The following FGGY variants were observed in gnomAD, a reference collection of about 807,000 sequenced individuals.
FGGY encodes the protein FGGY carbohydrate kinase domain-containing protein.
A neutral mutation model predicts 71.3 loss-of-function variants in FGGY; 72 were observed. The ratio of observed to expected loss-of-function variants is 1.01; its 90% CI spans 0.84 to 1.23. The LOEUF (loss-of-function observed/expected upper bound fraction) is 1.23, where lower values mean the gene tolerates loss of function less well. Ranked by LOEUF, FGGY falls within the 50% of genes most tolerant of loss-of-function variation. The probability of loss-of-function intolerance (pLI) is 0.00; values close to 1 mark genes in which losing one functional copy is unlikely to be tolerated. For missense variants in FGGY, 668 were observed against 682.3 expected (o/e 0.98, Z 0.23); for synonymous variants, 251 against 250.3 (o/e 1.00, Z -0.02).
chr1:59,566,137 G>A (rs1161260137), intron 8 of FGGY, among the ~76,000 whole-genome samples: 6 of 151,968 alleles, frequency 3.9e-5, no homozygotes. Context: ...GCTGCTGAGG[G>A]TTACCTGGCA....
intron 14 of FGGY, among the ~76,000 whole-genome samples, chr1:59,738,473 A>G (rs1056296466): frequency 1.1e-4 from 17 of 152,188 alleles, no homozygotes; most frequent in African/African-American, 3.9e-4. Context: ...GAAAAAAACC[A>G]TGATCCAAAA....
At chr1:59,590,037 C>T (rs1258941542) in intron 8 of FGGY, among the ~76,000 whole-genome samples, 1 of 151,848 alleles carries the variant, frequency 6.6e-6, no homozygotes, top group Non-Finnish European at 1.5e-5. Context: ...TGATAGATCG[C>T]TAGCAAGACT....
chr1:59,321,685 C>A lies in FGGY; in HGVS notation c.136C>A (p.Pro46Thr). Residue 46 changes from proline (P) to threonine (T), a missense_variant, in exon 2 of 16, where the codon CCC (proline) becomes ACC (threonine). Coordinates refer to ENST00000303721, the MANE Select transcript of FGGY (RefSeq NM_018291.5). ...AGACCAGCCAATTAAGAATTGGGAG[C>A]CCCAGTTCAACCACCATGAGCAGTC... ...FADQPIKNWE[P>T]QFNHHEQSSE... The A allele has an allele frequency of 6.2e-7, 1 of 1,612,922 alleles. No homozygotes were observed. The highest frequency in any genetic ancestry group is 1.1e-5 in the South Asian group (1 of 90,804).
intron 2 of FGGY, among the ~76,000 whole-genome samples, chr1:59,329,452 A>T (rs1161653331): frequency 6.6e-6 from 1 of 152,276 alleles, no homozygotes; most frequent in Non-Finnish European, 1.5e-5. Context: ...AAAATGTAAT[A>T]TCTGCAAAGT....
At chr1:59,428,912 T>C (rs1193332427) in intron 5 of FGGY, among the ~76,000 whole-genome samples, 2 of 152,204 alleles carry the variant, frequency 1.3e-5, no homozygotes, top group Non-Finnish European at 2.9e-5. Context: ...TGTTCTGTTG[T>C]CCAGAACTTA....
intron 14 of FGGY, among the ~76,000 whole-genome samples, chr1:59,683,903 G>A (rs1332637621): frequency 1.3e-5 from 2 of 152,206 alleles, no homozygotes; most frequent in Admixed American, 1.3e-4. Flanking sequence ...CCCCATTAAT[G>A]CACCTTTTAC....
intron 5 of FGGY, among the ~76,000 whole-genome samples, chr1:59,456,532 T>C (rs1283605386): frequency 1.3e-5 from 2 of 149,404 alleles, no homozygotes; most frequent in Non-Finnish European, 3.0e-5. Context: ...CACTGCAAGC[T>C]CTGCCTCCTG....
chr1:59,375,483 A>G lies in FGGY; in HGVS notation c.466-3266A>G, dbSNP rs140714158. Among the ~76,000 whole-genome samples, 301 of 152,250 alleles carry G rather than the reference A, an allele frequency of 2.0e-3. 2 individuals are homozygous for G. The highest frequency in any genetic ancestry group is 7.0e-3 in the African/African-American group (291 of 41,538). On this transcript the variant is annotated intron_variant, in intron 4 of 15. Coordinates refer to ENST00000303721, the MANE Select transcript of FGGY (RefSeq NM_018291.5). ...TGAGACCATGTGCATACTTAAGAGT[A>G]CCTCAGACTTCCCACAACATGTTAT...
intron 4 of FGGY, among the ~76,000 whole-genome samples, chr1:59,360,352 G>C (rs900938819): frequency 2.0e-5 from 3 of 152,072 alleles, no homozygotes; most frequent in African/African-American, 7.2e-5. Flanking sequence ...TGTGTGGCTT[G>C]GCTTTGGCTG....
intron 14 of FGGY, among the ~76,000 whole-genome samples, chr1:59,677,363 T>A (rs72666275): frequency 0.043 from 6,528 of 152,314 alleles, 167 homozygotes; most frequent in Non-Finnish European, 0.064. Flanking sequence ...TTCCAGCAAG[T>A]CAGATGTTTT....
intron 4 of FGGY, among the ~76,000 whole-genome samples, chr1:59,347,872 G>A (rs2052414238): frequency 6.6e-6 from 1 of 152,082 alleles, no homozygotes; most frequent in Non-Finnish European, 1.5e-5. Context: ...AACCTAGGCA[G>A]TACCATTCAG....
chr1:59,346,221 C>G, intron 3 of FGGY, 26 bp from the exon 4 acceptor site: 1 of 1,611,748 alleles, frequency 6.2e-7, no homozygotes, highest in South Asian at 1.1e-5. Flanking sequence ...GTGTGTCCAT[C>G]TGCATCTCCC....
At chr1:59,711,382 A>G (rs2097793074) in intron 14 of FGGY, among the ~76,000 whole-genome samples, 1 of 152,218 alleles carries the variant, frequency 6.6e-6, no homozygotes, top group Non-Finnish European at 1.5e-5. Flanking sequence ...TGACACATAT[A>G]TACCTATGTA....
chr1:59,379,186 C>T (rs918041249), intron 5 of FGGY, among the ~76,000 whole-genome samples: 1 of 151,890 alleles, frequency 6.6e-6, no homozygotes, highest in Non-Finnish European at 1.5e-5. Context: ...CACACACACA[C>T]ACACACAGAG....
At chr1:59,732,801 G>A (rs975823511) in intron 14 of FGGY, among the ~76,000 whole-genome samples, 1 of 151,928 alleles carries the variant, frequency 6.6e-6, no homozygotes, top group African/African-American at 2.4e-5. Context: ...CTTTCCTGCT[G>A]GAACCAGAGA....
intron 1 of FGGY, among the ~76,000 whole-genome samples, chr1:59,318,023 A>C (rs955049933): frequency 6.6e-6 from 1 of 152,186 alleles, no homozygotes; most frequent in African/African-American, 2.4e-5. Context: ...ACAAATGGGC[A>C]TTTAGTAAAT....
chr1:59,508,975 A>G (rs2094457767), intron 6 of FGGY, among the ~76,000 whole-genome samples: 1 of 152,190 alleles, frequency 6.6e-6, no homozygotes, highest in South Asian at 2.1e-4. Context: ...CACCTTGGTG[A>G]ACTCAGCAGA....
chr1:59,709,934 C>A (rs1044689139), intron 14 of FGGY, among the ~76,000 whole-genome samples: 2 of 152,198 alleles, frequency 1.3e-5, no homozygotes, highest in African/African-American at 4.8e-5. Context: ...GGGGTCACTG[C>A]CTTGACCCAC....
chr1:59,353,600 C>T (rs752566373), intron 4 of FGGY, among the ~76,000 whole-genome samples: 67 of 152,334 alleles, frequency 4.4e-4, no homozygotes, highest in Admixed American at 2.4e-3. Context: ...TGAGTACCTT[C>T]TACTTGTTTC....
Sources: gnomAD v4.1 joint callset for allele counts (sites outside exome capture counted in the v4.1 genomes callset) on GRCh38, gnomAD v4.1.1 for gene constraint, MANE v1.5 for transcripts, NCBI Gene and HGNC (gene_info 2026-07-23, HGNC 2026-07-21) for gene names.